The following AGFG1 variants were observed in gnomAD, a reference collection of about 807,000 sequenced individuals.
AGFG1 encodes ArfGAP with FG repeats 1.
A neutral mutation model predicts 60.6 loss-of-function variants in AGFG1; 10 were observed. The observed-to-expected ratio is 0.16, with a 90% CI of 0.10 to 0.28. AGFG1 has a LOEUF of 0.28. AGFG1 is among the 10% of genes least tolerant of loss of function. The pLI is 1.00. For synonymous variants in AGFG1, 247 were observed against 242.9 expected, an observed-to-expected ratio of 1.02 and a Z score of -0.16; for missense variants, 537 against 676.5, an observed-to-expected ratio of 0.79 and a Z score of 2.29.
In AGFG1 at chr2:227,497,761, T is replaced by TTTTTTTTTTTTG. The variant is rs546987888; in HGVS notation, c.261+6121_261+6122insTTTTTTTTTTTG. Among the ~76,000 whole-genome samples, 9 of 65,156 alleles carry TTTTTTTTTTTTG rather than the reference T, an allele frequency of 1.4e-4. 1 individual carries two copies. The highest frequency in any genetic ancestry group is 2.0e-4 in the Non-Finnish European group (6 of 29,972). 42.7% of individuals were successfully genotyped at this position (65,156 alleles called of 152,430 possible). On this transcript the variant is annotated intron_variant, in intron 2 of 12. Transcript: ENST00000310078. ...TTTTTTTTTTTTTTTTTTTTTTTTT[T>TTTTTTTTTTTTG]GGGGACGGAGTCTTACTCTGTCGCC...
At chr2:227,493,571 A>G (rs907673618) in intron 2 of AGFG1, among the ~76,000 whole-genome samples, 3 of 152,216 alleles carry the variant, frequency 2.0e-5, no homozygotes, top group Admixed American at 2.0e-4. Flanking sequence ...AACTCACTGT[A>G]TCAAAAAGTA....
At chr2:227,536,486 C>T in intron 8 of AGFG1, 139 bp from the exon 9 acceptor site, 1 of 614,882 alleles carries the variant, frequency 1.6e-6, no homozygotes, top group South Asian at 2.1e-5. Flanking sequence ...CATCTTTACA[C>T]TTAAATGTCT....
intron 3 of AGFG1, 140 bp from the exon 4 acceptor site, chr2:227,523,623 C>T: frequency 1.3e-6 from 1 of 753,636 alleles, no homozygotes; most frequent in Non-Finnish European, 2.0e-6. Context: ...AAAAAATATG[C>T]AAAGTTATTC....
chr2:227,505,005 A>G (rs1691267533), intron 2 of AGFG1, among the ~76,000 whole-genome samples: 1 of 152,172 alleles, frequency 6.6e-6, no homozygotes, highest in African/African-American at 2.4e-5. Flanking sequence ...TAGTTAAGCA[A>G]CTGCAGATAG....
chr2:227,508,284 G>A (rs556505031), intron 2 of AGFG1: 12 of 189,284 alleles, frequency 6.3e-5, no homozygotes, highest in Non-Finnish European at 1.2e-4. Flanking sequence ...GTCCTAGATT[G>A]AACTAAATAA....
At chr2:227,514,436 T>C (rs1361983996) in intron 2 of AGFG1, among the ~76,000 whole-genome samples, 1 of 152,132 alleles carries the variant, frequency 6.6e-6, no homozygotes, top group East Asian at 1.9e-4. Flanking sequence ...CAGGCTGGTC[T>C]TTACCTCCTG....
intron 8 of AGFG1, 106 bp downstream of exon 8, chr2:227,535,131 T>C: frequency 8.2e-7 from 1 of 1,224,728 alleles, no homozygotes. Flanking sequence ...TTAAAATTCT[T>C]GGATATTTTT....
At chr2:227,539,534 T>C (rs1692417762) in intron 10 of AGFG1, among the ~76,000 whole-genome samples, 1 of 151,656 alleles carries the variant, frequency 6.6e-6, no homozygotes, top group Non-Finnish European at 1.5e-5. Flanking sequence ...GTAGGTGGGT[T>C]GCTTGAAGCC....
chr2:227,532,024 G>A (rs1012437567), intron 6 of AGFG1: 1 of 771,992 alleles, frequency 1.3e-6, no homozygotes, highest in Admixed American at 3.6e-5. Context: ...ATTTTTGGCT[G>A]ATTACTTTTC....
chr2:227,487,013 T>A (rs778697499), intron 1 of AGFG1, among the ~76,000 whole-genome samples: 1 of 152,210 alleles, frequency 6.6e-6, no homozygotes, highest in African/African-American at 2.4e-5. Flanking sequence ...AAGCCTTGAT[T>A]TAGAGAAATC....
chr2:227,499,974 C>T (rs908090562), intron 2 of AGFG1, among the ~76,000 whole-genome samples: 1 of 152,212 alleles, frequency 6.6e-6, no homozygotes, highest in Non-Finnish European at 1.5e-5. Flanking sequence ...AGCTGCTACT[C>T]AGTCTCCTTA....
In AGFG1 at chr2:227,555,099, A is replaced by G. The variant is rs1692933912; in HGVS notation, c.*604A>G. ...CATGTTTTGCTACAGTTTGCAGGTG[A>G]AAAAAAATAAATATTATAAAATATG... is the stretch of plus-strand genomic sequence containing the variant. On this transcript the variant is annotated 3_prime_UTR_variant, in exon 13 of 13. Transcript: ENST00000310078. 2 of 152,366 alleles carry G rather than the reference A, an allele frequency of 1.3e-5. No individual in the cohort carries two copies. The highest frequency in any genetic ancestry group is 2.4e-5 in the African/African-American group (1 of 41,382). 9.4% of individuals were successfully genotyped at this position (152,366 alleles called of 1,614,324 possible).
intron 1 of AGFG1, among the ~76,000 whole-genome samples, chr2:227,489,420 C>G (rs1458724734): frequency 1.4e-5 from 2 of 145,328 alleles, no homozygotes; most frequent in South Asian, 4.5e-4. Context: ...TGGGGTTTCA[C>G]CATGTTGGCC....
chr2:227,550,258 A>G (rs4635528), intron 10 of AGFG1, among the ~76,000 whole-genome samples: 10,947 of 152,278 alleles, frequency 0.072, 525 homozygotes, highest in Admixed American at 0.11. Context: ...CATTGGGATT[A>G]CATTGTATTT....
chr2:227,524,880 A>G lies in AGFG1; in HGVS notation c.659A>G (p.Asn220Ser). The G allele has an allele frequency of 6.2e-7, 1 of 1,614,124 alleles. No homozygotes were observed. Among genetic ancestry groups the G allele is most frequent in the Non-Finnish European group, 8.5e-7 (1 of 1,179,982 alleles). ...APAPQSTATANFANFAHFNSH... is the reference protein window; with the variant it reads ...APAPQSTATASFANFAHFNSH... ...GCTCCTCAGTCAACAGCTACAGCCA[A>G]TTTTGCTAACTTTGCACATTTCAAC... Residue 220 changes from asparagine (N) to serine (S), a missense_variant, in exon 5 of 13, where the codon AAT (asparagine) becomes AGT (serine). Physicochemically the swap from Asn to Ser is conservative, Grantham distance 46 (BLOSUM62 1). Coordinates refer to ENST00000310078, the MANE Select transcript of AGFG1 (RefSeq NM_004504.5).
At chr2:227,486,026 CTTTAGAGAGAATTTGCGTG>C (rs1449970541) in intron 1 of AGFG1, among the ~76,000 whole-genome samples, 1 of 152,076 alleles carries the variant, frequency 6.6e-6, no homozygotes, top group Non-Finnish European at 1.5e-5. Flanking sequence ...AAATGCATTC[CTTTAGAGAGAATTTGCGTG>C]TTCATGGGAT....
rs559902162 is a variant in AGFG1 at position 227,556,024 on chromosome 2, C to T, written c.*1529C>T. On this transcript the variant is annotated 3_prime_UTR_variant, in exon 13 of 13. Coordinates refer to ENST00000310078, the MANE Select transcript of AGFG1 (RefSeq NM_004504.5). The stretch of plus-strand genomic sequence containing the variant: ...TGTCCAAGGCCATTAGTGTAAGGAC[C>T]GCTACCCAGCCTAGAGGACATCACT... The T allele has an allele frequency of 2.6e-5, 4 of 152,128 alleles. No homozygotes were observed. The highest frequency in any genetic ancestry group is 6.5e-5 in the Admixed American group (1 of 15,280). The allele number at this position is 152,128 out of a possible 1,614,324, so 9.4% of individuals were successfully genotyped here.
chr2:227,487,937 A>G (rs927777884), intron 1 of AGFG1, among the ~76,000 whole-genome samples: 2 of 152,260 alleles, frequency 1.3e-5, no homozygotes, highest in African/African-American at 4.8e-5. Context: ...AGATACAGTT[A>G]ATATCCCTGA....
intron 2 of AGFG1, among the ~76,000 whole-genome samples, chr2:227,513,127 T>C (rs1320897440): frequency 1.3e-5 from 2 of 152,236 alleles, no homozygotes; most frequent in African/African-American, 4.8e-5. Flanking sequence ...ATTACTGATA[T>C]AATACTGATT....
Sources: allele counts gnomAD v4.1 joint callset (sites outside exome capture counted in the v4.1 genomes callset), GRCh38; gene constraint gnomAD v4.1.1; transcripts MANE v1.5; gene names NCBI Gene and HGNC (gene_info 2026-07-23, HGNC 2026-07-21).